BRINP2: variants seen among roughly 807,000 people sequenced by gnomAD.
BRINP2 encodes the protein BMP/retinoic acid-inducible neural-specific protein 2.
A neutral mutation model predicts 69.2 loss-of-function variants in BRINP2; 21 were observed. The observed-to-expected ratio is 0.30, with a 90% CI of 0.22 to 0.44. The LOEUF is 0.44. Ranked by LOEUF, BRINP2 falls within the 20% of genes least tolerant of loss-of-function variation. The probability of loss-of-function intolerance (pLI) is 1.00; values close to 1 mark genes in which losing one functional copy is unlikely to be tolerated. For missense variants in BRINP2, 877 were observed against 986.0 expected (o/e 0.89, Z 1.48); for synonymous variants, 380 against 394.1 (o/e 0.96, Z 0.42).
At chr1:177,191,644 T>G (rs1404995680) in intron 1 of BRINP2, among the ~76,000 whole-genome samples, 2 of 152,122 alleles carry the variant, frequency 1.3e-5, no homozygotes, top group Non-Finnish European at 2.9e-5. Flanking sequence ...TTAGTAGAGA[T>G]GGGATTTCAT....
intron 2 of BRINP2, among the ~76,000 whole-genome samples, chr1:177,252,812 G>A (rs993571739): frequency 3.3e-5 from 5 of 151,986 alleles, no homozygotes; most frequent in African/African-American, 1.2e-4. Flanking sequence ...TATGAGTGAG[G>A]TTATGTGGTA....
intron 4 of BRINP2, among the ~76,000 whole-genome samples, chr1:177,267,535 G>A (rs537345934): frequency 6.6e-6 from 1 of 152,130 alleles, no homozygotes; most frequent in Non-Finnish European, 1.5e-5. Context: ...CATGTCCTCG[G>A]TTCCTGATAT....
chr1:177,252,228 G>A (rs1650606000), intron 2 of BRINP2, among the ~76,000 whole-genome samples: 1 of 152,118 alleles, frequency 6.6e-6, no homozygotes, highest in African/African-American at 2.4e-5. Flanking sequence ...ATATTATTAT[G>A]AACTTACCTG....
At chr1:177,221,611 AC>A (rs1173446301) in intron 1 of BRINP2, among the ~76,000 whole-genome samples, 1 of 152,124 alleles carries the variant, frequency 6.6e-6, no homozygotes, top group African/African-American at 2.4e-5. Context: ...ATAAAAATAT[AC>A]CCCAGCCCCA....
At chr1:177,279,117 A>G (rs1004440190) in intron 7 of BRINP2, among the ~76,000 whole-genome samples, 1 of 152,212 alleles carries the variant, frequency 6.6e-6, no homozygotes, top group Non-Finnish European at 1.5e-5. Flanking sequence ...CAGCAATTGC[A>G]TCTGATGAAA....
At chr1:177,201,228 G>T (rs557127044) in intron 1 of BRINP2, among the ~76,000 whole-genome samples, 2 of 152,246 alleles carry the variant, frequency 1.3e-5, no homozygotes, top group East Asian at 3.9e-4. Flanking sequence ...GTATTGAATA[G>T]AACTGGACAT....
intron 1 of BRINP2, among the ~76,000 whole-genome samples, chr1:177,225,149 T>C (rs902821583): frequency 2.6e-5 from 4 of 152,224 alleles, no homozygotes; most frequent in African/African-American, 9.6e-5. Flanking sequence ...ACGATTCCTA[T>C]AAGCTCTACC....
Position 177,280,838 on chromosome 1 carries a change from G to A in BRINP2, c.1662G>A (p.Leu554=), listed in dbSNP as rs763754550. Residue 554 remains leucine, a synonymous_variant, in exon 8 of 8, where the codon CTG becomes CTA. Transcript: ENST00000361539. ...PSWRKRMLLT[L]KSNKYKPGLV... is the part of the protein sequence containing the mutation. ...GGAGGAAGCGCATGCTGCTCACCCT[G>A]AAGAGCAACAAGTACAAGCCTGGGC... The A allele has an allele frequency of 1.9e-6, 3 of 1,614,032 alleles. No individual in the cohort carries two copies. The highest frequency in any genetic ancestry group is 2.5e-6 in the Non-Finnish European group (3 of 1,179,928).
chr1:177,221,343 T>C (rs1160028279), intron 1 of BRINP2, among the ~76,000 whole-genome samples: 2 of 152,222 alleles, frequency 1.3e-5, no homozygotes, highest in African/African-American at 2.4e-5. Context: ...CTGGGACTCA[T>C]GGGTTTTGAA....
chr1:177,215,044 C>T (rs1447721453), intron 1 of BRINP2, among the ~76,000 whole-genome samples: 1 of 152,154 alleles, frequency 6.6e-6, no homozygotes, highest in African/African-American at 2.4e-5. Flanking sequence ...TACACTTGGA[C>T]TATCATCTCC....
chr1:177,204,430 A>G (rs1649010860), intron 1 of BRINP2, among the ~76,000 whole-genome samples: 1 of 151,970 alleles, frequency 6.6e-6, no homozygotes, highest in African/African-American at 2.4e-5. Flanking sequence ...AGAAACTCCA[A>G]TTGAATGACT....
chr1:177,187,450 C>T (rs1461489774), intron 1 of BRINP2, among the ~76,000 whole-genome samples: 8 of 152,208 alleles, frequency 5.3e-5, no homozygotes, highest in Non-Finnish European at 1.5e-5. Flanking sequence ...AAACTAAGCA[C>T]ATTCACTTAC....
rs114428637 is a variant in BRINP2 at position 177,212,183 on chromosome 1, G to A, written c.-76-17618G>A. On this transcript the variant is annotated intron_variant, in intron 1 of 7. Coordinates refer to ENST00000361539, the MANE Select transcript of BRINP2 (RefSeq NM_021165.4). ...GTAATCTATTTGCCATTGTCCTGGA[G>A]TTCATGAGGGGAGCCCTTTCAAGGT... Among the ~76,000 whole-genome samples, 798 of 152,224 alleles carry A rather than the reference G, an allele frequency of 5.2e-3. 8 individuals carry two copies. The highest frequency in any genetic ancestry group is 0.018 in the African/African-American group (730 of 41,518).
chr1:177,210,344 C>G (rs1649187722), intron 1 of BRINP2, among the ~76,000 whole-genome samples: 1 of 152,128 alleles, frequency 6.6e-6, no homozygotes. Context: ...AAATCAGGAG[C>G]CAGGCCCTCT....
At chr1:177,196,575 G>A (rs954350297) in intron 1 of BRINP2, among the ~76,000 whole-genome samples, 9 of 151,396 alleles carry the variant, frequency 5.9e-5, no homozygotes, top group South Asian at 2.1e-4. Flanking sequence ...CTGAGATTGC[G>A]CCACTGCACT....
chr1:177,199,815 A>T (rs946502041), intron 1 of BRINP2, among the ~76,000 whole-genome samples: 1 of 152,174 alleles, frequency 6.6e-6, no homozygotes, highest in Non-Finnish European at 1.5e-5. Flanking sequence ...TCTTTTCCTT[A>T]TTCTTCTCAA....
chr1:177,255,926 G>C lies in BRINP2; in HGVS notation c.277G>C (p.Ala93Pro), dbSNP rs1463706734. ...TTRYRIYREF[A>P]RWKVNNLALE... ...CCTTGGCTTTTCCCCCAGGGAGTTT[G>C]CCCGTTGGAAGGTGAACAACTTGGC... Residue 93 changes from alanine to proline, a missense_variant, in exon 3 of 8, where the codon GCC (alanine) becomes CCC (proline). By Grantham distance (27) the Ala-to-Pro change is conservative. This residue lies in a region of BRINP2 where 566 missense variants were observed against 625.2 expected (regional missense o/e 0.91). Coordinates refer to ENST00000361539, the MANE Select transcript of BRINP2 (RefSeq NM_021165.4). 4 of 1,613,906 alleles carry C rather than the reference G, an allele frequency of 2.5e-6. No homozygotes were observed. The highest frequency in any genetic ancestry group is 3.4e-6 in the Non-Finnish European group (4 of 1,179,942).
At chr1:177,272,859 C>T (rs903316737) in intron 4 of BRINP2, among the ~76,000 whole-genome samples, 1 of 152,134 alleles carries the variant, frequency 6.6e-6, no homozygotes, top group Admixed American at 6.5e-5. Flanking sequence ...ACTGATGGGC[C>T]AACTTTATAA....
chr1:177,207,273 C>T (rs776266678), intron 1 of BRINP2, among the ~76,000 whole-genome samples: 3 of 152,124 alleles, frequency 2.0e-5, no homozygotes, highest in Non-Finnish European at 4.4e-5. Flanking sequence ...GAGTGGCTAA[C>T]AGCTTGGAAA....
Sources: allele counts gnomAD v4.1 joint callset (sites outside exome capture counted in the v4.1 genomes callset), GRCh38; gene constraint gnomAD v4.1.1; regional missense constraint gnomAD v4.1.1; transcripts MANE v1.5; gene names NCBI Gene and HGNC (gene_info 2026-07-23, HGNC 2026-07-21).